Variants in OSMR observed in about 807,000 individuals in gnomAD.
OSMR encodes the protein oncostatin M receptor.
OSMR carries 81 observed loss-of-function variants against 99.9 expected under a neutral mutation model. That is an observed-to-expected ratio of 0.81 (90% CI 0.68 to 0.97). The LOEUF (loss-of-function observed/expected upper bound fraction) is 0.97. Among genes scored for constraint, OSMR ranks in the 50% least tolerant of loss-of-function variants. OSMR has a pLI of 0.00. For missense variants in OSMR, 1,099 were observed against 1,153.4 expected, an observed-to-expected ratio of 0.95 and a Z score of 0.68; for synonymous variants, 406 against 410.4, an observed-to-expected ratio of 0.99 and a Z score of 0.13.
At chr5:38,884,163 A>T (rs1405024498) in intron 5 of OSMR, 52 bp downstream of exon 5, 3 of 1,280,656 alleles carry the variant, frequency 2.3e-6, no homozygotes, top group Non-Finnish European at 3.4e-6. Context: ...TGAGGAATAG[A>T]TTAAATCTCC....
intron 13 of OSMR, 85 bp downstream of exon 13, chr5:38,923,339 T>C: frequency 1.2e-6 from 1 of 861,320 alleles, no homozygotes; most frequent in Non-Finnish European, 2.0e-6. Context: ...TAGGAAGCTG[T>C]CAGCACCATA....
intron 9 of OSMR, among the ~76,000 whole-genome samples, chr5:38,909,048 G>C (rs1174714031): frequency 6.6e-6 from 1 of 152,102 alleles, no homozygotes; most frequent in African/African-American, 2.4e-5. Context: ...GGAGATAAAA[G>C]ACAAAATGTC....
intron 1 of OSMR, among the ~76,000 whole-genome samples, chr5:38,861,251 G>T (rs529912852): frequency 2.1e-4 from 32 of 151,874 alleles, no homozygotes; most frequent in Admixed American, 9.8e-4. Context: ...GGTTTTCCTA[G>T]GCAGAGGACC....
At chr5:38,894,075 T>C (rs1744331520) in intron 7 of OSMR, among the ~76,000 whole-genome samples, 1 of 152,204 alleles carries the variant, frequency 6.6e-6, no homozygotes, top group African/African-American at 2.4e-5. Flanking sequence ...TCCTGCCAAG[T>C]TGAGCTTCAT....
chr5:38,878,068 G>T, intron 3 of OSMR, among the ~76,000 whole-genome samples: 1 of 152,116 alleles, frequency 6.6e-6, no homozygotes, highest in East Asian at 1.9e-4. Context: ...GGTTTGTTGT[G>T]TTGCTCCAGG....
chr5:38,864,579 C>T (rs1346605838), intron 1 of OSMR, among the ~76,000 whole-genome samples: 3 of 150,530 alleles, frequency 2.0e-5, no homozygotes, highest in East Asian at 1.9e-4. Flanking sequence ...ATATATCAGC[C>T]CCTTATCTCC....
At chr5:38,905,898 C>A (rs1325061139) in intron 9 of OSMR, among the ~76,000 whole-genome samples, 2 of 152,128 alleles carry the variant, frequency 1.3e-5, no homozygotes, top group Admixed American at 1.3e-4. Context: ...TCTGGGAGGA[C>A]CATTTTAAAG....
At chr5:38,870,876 C>T (rs1198404109) in intron 2 of OSMR, among the ~76,000 whole-genome samples, 1 of 152,120 alleles carries the variant, frequency 6.6e-6, no homozygotes, top group African/African-American at 2.4e-5. Context: ...TCACAGTGGG[C>T]ATACTTTGGG....
intron 2 of OSMR, among the ~76,000 whole-genome samples, chr5:38,873,430 A>G (rs1742544346): frequency 6.6e-6 from 1 of 152,170 alleles, no homozygotes; most frequent in Non-Finnish European, 1.5e-5. Context: ...TCCTGCTTTC[A>G]ATTCTTTGGG....
At chr5:38,944,627 A>C in intron 2 of OSMR, 1 of 1,414,860 alleles carries the variant, frequency 7.1e-7, no homozygotes, top group Non-Finnish European at 9.6e-7. Context: ...AATGATTAAA[A>C]CTCATGAAAT....
chr5:38,938,957 CA>C (rs1410239673), downstream of OSMR: 2 of 232,780 alleles, frequency 8.6e-6, no homozygotes, highest in Non-Finnish European at 1.7e-5. Context: ...GAATCTGAGA[CA>C]AAAGTGGAAG....
downstream of OSMR, chr5:38,940,263 CAAA>C (rs199955000): frequency 3.3e-5 from 7 of 212,086 alleles, no homozygotes; most frequent in Non-Finnish European, 6.5e-5. Context: ...GTGTGTAAGA[CAAA>C]AAAAAAATTA....
chr5:38,873,023 C>A (rs951091507), intron 2 of OSMR, among the ~76,000 whole-genome samples: 2 of 152,184 alleles, frequency 1.3e-5, no homozygotes, highest in African/African-American at 4.8e-5. Flanking sequence ...TGTTATGCAA[C>A]AATCACCCAA....
In OSMR at chr5:38,934,439, A is replaced by T. The variant is rs1179184884; in HGVS notation, c.*995A>T. ...TAGATATAACTAAAAAGTTCTATGA[A>T]GTGGGAAATTCCGTGTTGGCTCTGG... On this transcript the variant is annotated 3_prime_UTR_variant, in exon 18 of 18. Coordinates refer to ENST00000274276, the MANE Select transcript of OSMR (RefSeq NM_003999.3). 1.3e-5 allele frequency: 2 copies of T among 152,228 alleles called. No homozygotes were observed. Among genetic ancestry groups the T allele is most frequent in the African/African-American group, 4.8e-5 (2 of 41,450 alleles). 9.4% of individuals were successfully genotyped at this position (152,228 alleles called of 1,614,324 possible).
At chr5:38,861,582 A>G (rs1016946727) in intron 1 of OSMR, among the ~76,000 whole-genome samples, 14 of 152,172 alleles carry the variant, frequency 9.2e-5, no homozygotes, top group African/African-American at 3.1e-4. Context: ...CCCCCTCTCT[A>G]TTCCACAAAA....
In OSMR at chr5:38,887,036, A is replaced by G. The variant is rs371449530; in HGVS notation, c.991+846A>G. The stretch of plus-strand genomic sequence containing the variant: ...TGGCTATAAAATGGTATTTCATGAT[A>G]GTCTTGAGATTGAATCTCATGAGTA... On this transcript the variant is annotated intron_variant, in intron 7 of 17. Coordinates refer to ENST00000274276, the MANE Select transcript of OSMR (RefSeq NM_003999.3). 2.0e-5 allele frequency among the ~76,000 whole-genome samples: 3 copies of G among 152,168 alleles called. No homozygotes were observed. In the East Asian group the frequency reaches 5.8e-4, roughly 29 times the overall value.
At chr5:38,941,786 A>G (rs1219151206) in intron 1 of OSMR, 1 of 232,900 alleles carries the variant, frequency 4.3e-6, no homozygotes. Context: ...GAAAAACGTG[A>G]AAGGGCCAAA....
rs529566577 is a variant in OSMR, at chr5:38,928,509, C to T, written c.2212+3138C>T. Among the ~76,000 whole-genome samples, 3 of 152,140 alleles carry T rather than the reference C, an allele frequency of 2.0e-5. No individual in the cohort carries two copies. In the East Asian group the frequency reaches 5.8e-4, roughly 29 times the overall value. ...ACATGGCGGCAGGAGAGAGAAGTGC[C>T]GAGCAAAGGGGGAAAAGCCCCTTAT... is the stretch of plus-strand genomic sequence containing the variant. On this transcript the variant is annotated intron_variant, in intron 15 of 17. Coordinates refer to ENST00000274276, the MANE Select transcript of OSMR (RefSeq NM_003999.3).
intron 7 of OSMR, chr5:38,886,512 T>A (rs1743784799): frequency 9.8e-6 from 3 of 304,902 alleles, no homozygotes; most frequent in Non-Finnish European, 1.7e-5. Context: ...CACTTTAAAT[T>A]GTGTGCGTGT....
Sources: allele counts gnomAD v4.1 joint callset (sites outside exome capture counted in the v4.1 genomes callset), GRCh38; gene constraint gnomAD v4.1.1; transcripts MANE v1.5; gene names NCBI Gene and HGNC (gene_info 2026-07-23, HGNC 2026-07-21).